LRRC7: variants seen among roughly 807,000 people sequenced by gnomAD.
The protein encoded by LRRC7 is leucine rich repeat containing 7.
In LRRC7, 23 loss-of-function variants were observed where a neutral mutation model predicts 175.7. The ratio of observed to expected loss-of-function variants is 0.13; its 90% confidence interval spans 0.09 to 0.19. LRRC7 has a LOEUF of 0.19. Among genes scored for constraint, LRRC7 ranks in the 10% least tolerant of loss-of-function variants. The pLI is 1.00. For synonymous variants in LRRC7, 685 were observed against 680.9 expected, an observed-to-expected ratio of 1.01 and a Z score of -0.09; for missense variants, 1,354 against 1,904.7, an observed-to-expected ratio of 0.71 and a Z score of 5.38.
intron 3 of LRRC7, among the ~76,000 whole-genome samples, chr1:69,788,129 A>G (rs1253669154): frequency 2.0e-5 from 3 of 152,070 alleles, no homozygotes; most frequent in Non-Finnish European, 4.4e-5. Flanking sequence ...CTCTAAGCCA[A>G]TCTCCCACTC....
intron 1 of LRRC7, among the ~76,000 whole-genome samples, chr1:69,676,099 G>A (rs1280413018): frequency 1.3e-5 from 2 of 151,600 alleles, no homozygotes; most frequent in Admixed American, 1.3e-4. Context: ...ATATTTGGAA[G>A]ACTTTTTTTA....
At chr1:69,634,045 T>C (rs1355855002) in intron 1 of LRRC7, among the ~76,000 whole-genome samples, 1 of 152,160 alleles carries the variant, frequency 6.6e-6, no homozygotes, top group African/African-American at 2.4e-5. Flanking sequence ...AACTCACTTA[T>C]ACTTAGTGAC....
intron 3 of LRRC7, among the ~76,000 whole-genome samples, chr1:69,783,953 T>C (rs907101192): frequency 1.3e-5 from 2 of 152,116 alleles, no homozygotes; most frequent in African/African-American, 4.8e-5. Context: ...TATTAGAATA[T>C]TCTTAGCAGC....
At chr1:69,936,216 A>G (rs1166060014) in intron 8 of LRRC7, among the ~76,000 whole-genome samples, 1 of 152,156 alleles carries the variant, frequency 6.6e-6, no homozygotes, top group Non-Finnish European at 1.5e-5. Context: ...AAACTTAGGC[A>G]TCTGGACATT....
rs1238522253 is a variant in LRRC7 at position 69,568,426 on chromosome 1, C to G, written c.-214C>G. The G allele has an allele frequency of 7.8e-6, 2 of 256,982 alleles. No individual in the cohort carries two copies. Among genetic ancestry groups the G allele is most frequent in the African/African-American group, 4.7e-5 (2 of 42,418 alleles). The allele number at this position is 256,982 out of a possible 1,614,324, so 15.9% of individuals were successfully genotyped here. ...TCCCGCGGGAACCTCTCCAGCCGTCCACCTGAAGGGCACTGGCATCATGGT... is the reference window on the plus strand; with the variant it reads ...TCCCGCGGGAACCTCTCCAGCCGTCGACCTGAAGGGCACTGGCATCATGGT... On this transcript the variant is annotated 5_prime_UTR_variant, in exon 1 of 27. Transcript: ENST00000651989.
At chr1:69,880,611 G>A (rs1390951968) in intron 7 of LRRC7, among the ~76,000 whole-genome samples, 1 of 152,072 alleles carries the variant, frequency 6.6e-6, no homozygotes, top group Non-Finnish European at 1.5e-5. Flanking sequence ...GAGTGAATAC[G>A]AAGGACAGGG....
At chr1:69,687,520 C>CAAAAAAAAAAA (rs551726376) in intron 2 of LRRC7, among the ~76,000 whole-genome samples, 207 of 96,716 alleles carry the variant, frequency 2.1e-3, no homozygotes, top group Middle Eastern at 8.2e-3. Flanking sequence ...AAGAAAAAAC[C>CAAAAAAAAAAA]AAAAAAAAAA....
At chr1:70,005,191 T>G (rs968778426) in intron 11 of LRRC7, among the ~76,000 whole-genome samples, 33 of 152,288 alleles carry the variant, frequency 2.2e-4, no homozygotes, top group African/African-American at 7.5e-4. Context: ...GGGTTAATAG[T>G]AGATAAAGGT....
chr1:69,867,665 T>C (rs1429836745), intron 7 of LRRC7, among the ~76,000 whole-genome samples: 2 of 152,156 alleles, frequency 1.3e-5, no homozygotes, highest in African/African-American at 2.4e-5. Context: ...AGGGGAAAGA[T>C]ACAAGGTATG....
chr1:69,826,516 G>A (rs908482182), intron 5 of LRRC7, among the ~76,000 whole-genome samples: 13 of 152,060 alleles, frequency 8.5e-5, no homozygotes, highest in African/African-American at 3.1e-4. Flanking sequence ...TTGATTGGAG[G>A]AGTCATGAAC....
intron 2 of LRRC7, among the ~76,000 whole-genome samples, chr1:69,728,888 TG>T (rs1223356319): frequency 8.0e-4 from 122 of 152,342 alleles, no homozygotes; most frequent in African/African-American, 2.7e-3. Flanking sequence ...TACCTGAGAC[TG>T]GGTAATTTAT....
chr1:69,821,555 G>GT (rs1198968566), intron 4 of LRRC7, among the ~76,000 whole-genome samples: 1 of 152,008 alleles, frequency 6.6e-6, no homozygotes, highest in Non-Finnish European at 1.5e-5. Flanking sequence ...TAATTTTGAT[G>GT]TTTTTGTCAG....
At chr1:69,631,932 C>G (rs1280298084) in intron 1 of LRRC7, among the ~76,000 whole-genome samples, 1 of 151,684 alleles carries the variant, frequency 6.6e-6, no homozygotes, top group African/African-American at 2.4e-5. Flanking sequence ...CACTCCAAAG[C>G]CTCCCTTGTT....
intron 7 of LRRC7, among the ~76,000 whole-genome samples, chr1:69,918,278 C>G (rs1211777047): frequency 1.3e-5 from 2 of 152,180 alleles, no homozygotes; most frequent in African/African-American, 4.8e-5. Context: ...CCCTGCGTCT[C>G]TGGAATCTTT....
intron 7 of LRRC7, among the ~76,000 whole-genome samples, chr1:69,903,238 C>T (rs972787757): frequency 8.5e-5 from 13 of 152,170 alleles, no homozygotes; most frequent in African/African-American, 2.9e-4. Context: ...GAGACCAACA[C>T]AGAAGGCAGG....
chr1:69,758,104 T>C (rs1318987549), intron 2 of LRRC7, among the ~76,000 whole-genome samples: 1 of 152,014 alleles, frequency 6.6e-6, no homozygotes, highest in Non-Finnish European at 1.5e-5. Flanking sequence ...ATATATAATA[T>C]GTTAGACACT....
chr1:70,032,383 GTTTC>G (rs982838869), intron 18 of LRRC7, among the ~76,000 whole-genome samples: 7 of 150,152 alleles, frequency 4.7e-5, no homozygotes, highest in South Asian at 2.1e-4. Context: ...CTGATCCTTG[GTTTC>G]TTTATCTTAA....
intron 7 of LRRC7, among the ~76,000 whole-genome samples, chr1:69,910,674 C>T (rs910172306): frequency 1.3e-5 from 2 of 152,186 alleles, no homozygotes; most frequent in Admixed American, 6.5e-5. Flanking sequence ...AGGCAGTCTG[C>T]CCGCTCTCAG....
intron 2 of LRRC7, among the ~76,000 whole-genome samples, chr1:69,702,869 A>G (rs369561094): frequency 1.3e-3 from 200 of 152,218 alleles, no homozygotes; most frequent in African/African-American, 4.4e-3. Flanking sequence ...AAGGACTTTT[A>G]TGTGTTTTTT....
Sources: allele counts gnomAD v4.1 joint callset (sites outside exome capture counted in the v4.1 genomes callset), GRCh38; gene constraint gnomAD v4.1.1; transcripts MANE v1.5; gene names NCBI Gene and HGNC (gene_info 2026-07-23, HGNC 2026-07-21).